LNPEP: variants seen among roughly 807,000 people sequenced by gnomAD.
LNPEP encodes leucyl-cystinyl aminopeptidase.
A neutral mutation model predicts 120.6 loss-of-function variants in LNPEP; 64 were observed. That is an observed-to-expected ratio of 0.53 (90% CI 0.43 to 0.65). The LOEUF (loss-of-function observed/expected upper bound fraction) is 0.65. LNPEP is among the 30% of genes least tolerant of loss of function. LNPEP has a pLI of 0.00. For missense variants in LNPEP, 1,057 were observed against 1,200.0 expected, an observed-to-expected ratio of 0.88 and a Z score of 1.76; for synonymous variants, 435 against 425.4, an observed-to-expected ratio of 1.02 and a Z score of -0.28.
At chr5:96,958,556 C>A (rs1789524610) in intron 1 of LNPEP, 3 of 908,342 alleles carry the variant, frequency 3.3e-6, no homozygotes, top group Non-Finnish European at 3.9e-6. Context: ...TAACAAATTA[C>A]CACAAACTTA....
chr5:96,972,631 A>G (rs1162442325), intron 1 of LNPEP, among the ~76,000 whole-genome samples: 1 of 152,116 alleles, frequency 6.6e-6, no homozygotes, highest in Non-Finnish European at 1.5e-5. Flanking sequence ...CCAGAGAACC[A>G]GAGTGATTGT....
chr5:97,012,845 C>G (rs957719419), intron 11 of LNPEP, among the ~76,000 whole-genome samples: 2 of 152,188 alleles, frequency 1.3e-5, no homozygotes, highest in Non-Finnish European at 2.9e-5. Flanking sequence ...AAGTGCCTAT[C>G]CTTTCCTATT....
chr5:96,944,293 C>G (rs1789128747), intron 1 of LNPEP, among the ~76,000 whole-genome samples: 1 of 152,130 alleles, frequency 6.6e-6, no homozygotes, highest in South Asian at 2.1e-4. Flanking sequence ...ACTGTAAAAT[C>G]TTTAAAGAGG....
chr5:96,972,649 C>T (rs1042058234), intron 1 of LNPEP, among the ~76,000 whole-genome samples: 1 of 152,030 alleles, frequency 6.6e-6, no homozygotes, highest in Non-Finnish European at 1.5e-5. Context: ...TGTGGGCTCA[C>T]CTGTTCCTTC....
intron 2 of LNPEP, among the ~76,000 whole-genome samples, chr5:96,981,388 A>G (rs1790120938): frequency 6.6e-6 from 1 of 152,168 alleles, no homozygotes; most frequent in African/African-American, 2.4e-5. Context: ...TCACGTACTA[A>G]TTTATTTTAA....
rs192751122 is a variant in LNPEP, at chr5:97,032,128, G to A, written c.*3595G>A. The stretch of plus-strand genomic sequence containing the variant: ...GGCTGCAAAACTAGATGTGGATTTT[G>A]TTACTTAGGCCTCTCTAAAAACTGA... On this transcript the variant is annotated 3_prime_UTR_variant, in exon 18 of 18. Transcript: ENST00000231368. The A allele has an allele frequency of 6.6e-6, 1 of 152,228 alleles. No homozygotes were observed. The highest frequency in any genetic ancestry group is 2.4e-5 in the African/African-American group (1 of 41,536). 9.4% of individuals were successfully genotyped at this position (152,228 alleles called of 1,614,324 possible).
chr5:96,944,765 T>G (rs983968672), intron 1 of LNPEP, among the ~76,000 whole-genome samples: 1 of 151,740 alleles, frequency 6.6e-6, no homozygotes, highest in African/African-American at 2.4e-5. Flanking sequence ...AGAGATGAGA[T>G]TTCGCCATAT....
chr5:96,963,248 T>C (rs1054490827), intron 1 of LNPEP, among the ~76,000 whole-genome samples: 11 of 152,242 alleles, frequency 7.2e-5, no homozygotes, highest in African/African-American at 2.7e-4. Flanking sequence ...TAGTGATCAA[T>C]TTATGAATGA....
At chr5:96,971,027 T>G (rs1437604014) in intron 1 of LNPEP, among the ~76,000 whole-genome samples, 1 of 152,104 alleles carries the variant, frequency 6.6e-6, no homozygotes. Context: ...CCTTTAAAAT[T>G]TCTTGTAGTA....
intron 1 of LNPEP, among the ~76,000 whole-genome samples, chr5:96,940,867 A>G (rs1789033436): frequency 1.3e-5 from 2 of 152,106 alleles, no homozygotes; most frequent in African/African-American, 4.8e-5. Context: ...CAGTCCCCAA[A>G]CTTTTCGGGA....
chr5:97,020,266 T>C (rs1035313726), intron 13 of LNPEP, among the ~76,000 whole-genome samples: 1 of 152,140 alleles, frequency 6.6e-6, no homozygotes, highest in African/African-American at 2.4e-5. Context: ...TCACTGTCAA[T>C]ACCTAAAAGA....
At chr5:97,024,464 G>T in intron 14 of LNPEP, 57 bp from the exon 15 acceptor site, 1 of 1,516,692 alleles carries the variant, frequency 6.6e-7, no homozygotes. Context: ...CCAACTCTTC[G>T]CCTTTGTATT....
intron 13 of LNPEP, among the ~76,000 whole-genome samples, chr5:97,020,238 A>G (rs1459524683): frequency 2.6e-5 from 4 of 152,198 alleles, no homozygotes; most frequent in African/African-American, 9.6e-5. Flanking sequence ...AGGTATTGAC[A>G]GTGGTACTCA....
chr5:96,962,236 A>G (rs1456391504), intron 1 of LNPEP, among the ~76,000 whole-genome samples: 1 of 152,172 alleles, frequency 6.6e-6, no homozygotes, highest in East Asian at 1.9e-4. Context: ...TCCTGGACTT[A>G]TACCCAAAGT....
intron 2 of LNPEP, among the ~76,000 whole-genome samples, chr5:96,980,202 G>A (rs1790092717): frequency 6.6e-6 from 1 of 152,086 alleles, no homozygotes; most frequent in African/African-American, 2.4e-5. Context: ...TGGTGGAAAA[G>A]GATGGATAAA....
At position 96,976,389 on chromosome 5, in the gene LNPEP, C is replaced by T. The variant is rs376642476; in HGVS notation, c.20-2749C>T. ...TAAAAGTAAGTTATTTGGATTTAGGCAGGCATCTGACTAAGCCCTTGTCAG... is the reference window on the plus strand; with the variant it reads ...TAAAAGTAAGTTATTTGGATTTAGGTAGGCATCTGACTAAGCCCTTGTCAG... On this transcript the variant is annotated intron_variant, in intron 1 of 17. Coordinates refer to ENST00000231368, the MANE Select transcript of LNPEP (RefSeq NM_005575.3). Among the ~76,000 whole-genome samples, 4 of 152,162 alleles carry T rather than the reference C, an allele frequency of 2.6e-5. No individual in the cohort carries two copies. The South Asian group carries it at 8.3e-4, about 32-fold the overall frequency.
Position 97,028,987 on chromosome 5 carries a change from T to G in LNPEP, c.*454T>G, listed in dbSNP as rs1180860072. The G allele has an allele frequency of 2.5e-5, 4 of 161,054 alleles. No homozygotes were observed. Among genetic ancestry groups the G allele is most frequent in the African/African-American group, 9.6e-5 (4 of 41,498 alleles). 10.0% of individuals were successfully genotyped at this position (161,054 alleles called of 1,614,324 possible). ...CATTGGAATGTGGTACAAAGTTAGCTCTGAAGAATATGGTAACGAAGACAA... is the reference window on the plus strand; with the variant it reads ...CATTGGAATGTGGTACAAAGTTAGCGCTGAAGAATATGGTAACGAAGACAA... On this transcript the variant is annotated 3_prime_UTR_variant, in exon 18 of 18. Transcript: ENST00000231368.
chr5:96,956,226 G>A (rs1054242453), intron 1 of LNPEP, among the ~76,000 whole-genome samples: 16 of 152,204 alleles, frequency 1.1e-4, no homozygotes, highest in African/African-American at 3.4e-4. Flanking sequence ...TTACACAAAT[G>A]TATCTAATAG....
intron 1 of LNPEP, among the ~76,000 whole-genome samples, chr5:96,952,855 T>C (rs555673447): frequency 2.5e-4 from 38 of 152,318 alleles, no homozygotes; most frequent in African/African-American, 8.9e-4. Flanking sequence ...AGACTAATCT[T>C]AGTTTTCATA....
Sources: allele counts gnomAD v4.1 joint callset (sites outside exome capture counted in the v4.1 genomes callset), GRCh38; gene constraint gnomAD v4.1.1; transcripts MANE v1.5; gene names NCBI Gene and HGNC (gene_info 2026-07-23, HGNC 2026-07-21).